RC3H2: variants seen among roughly 807,000 people sequenced by gnomAD.
RC3H2 encodes the protein ring finger and CCCH-type domains 2, also known as roquin-2.
In RC3H2, 31 loss-of-function variants were observed where a neutral mutation model predicts 133.3. The ratio of observed to expected loss-of-function variants is 0.23; its 90% CI spans 0.17 to 0.31. The LOEUF (loss-of-function observed/expected upper bound fraction) is 0.31. RC3H2 is among the 10% of genes least tolerant of loss of function. The pLI is 1.00. For synonymous variants in RC3H2, 517 were observed against 502.2 expected (o/e 1.03, Z -0.40); for missense variants, 1,175 against 1,437.2 (o/e 0.82, Z 2.95).
chr9:122,904,211 G>C (rs1402385532), intron 1 of RC3H2, among the ~76,000 whole-genome samples: 1 of 152,208 alleles, frequency 6.6e-6, no homozygotes, highest in African/African-American at 2.4e-5. Flanking sequence ...TGGGTAAGGG[G>C]AGAGGAGGAA....
chr9:122,857,063 A>C (rs1201043975), intron 13 of RC3H2, among the ~76,000 whole-genome samples: 1 of 152,168 alleles, frequency 6.6e-6, no homozygotes, highest in East Asian at 1.9e-4. Context: ...AATGCCTAGG[A>C]TTACTTCAAA....
intron 1 of RC3H2, among the ~76,000 whole-genome samples, chr9:122,900,044 TAC>T (rs1564323673): frequency 6.6e-6 from 1 of 152,228 alleles, no homozygotes; most frequent in Non-Finnish European, 1.5e-5. Flanking sequence ...TGTCACCTAC[TAC>T]ACAGTTTTAA....
At chr9:122,881,321 A>G (rs1831617150) in intron 5 of RC3H2, among the ~76,000 whole-genome samples, 1 of 151,930 alleles carries the variant, frequency 6.6e-6, no homozygotes, top group Non-Finnish European at 1.5e-5. Flanking sequence ...ACCCCATCTC[A>G]AGAAAAAATA....
chr9:122,902,399 A>C (rs1367823473), intron 1 of RC3H2, among the ~76,000 whole-genome samples: 1 of 152,218 alleles, frequency 6.6e-6, no homozygotes, highest in African/African-American at 2.4e-5. Flanking sequence ...AGGATAATCT[A>C]TCTGGAAGTT....
At chr9:122,871,911 C>T (rs1831119930) in intron 9 of RC3H2, among the ~76,000 whole-genome samples, 2 of 152,022 alleles carry the variant, frequency 1.3e-5, no homozygotes, top group Admixed American at 6.6e-5. Context: ...GTCTCCATCA[C>T]CCAGGCAGGA....
chr9:122,887,184 T>C (rs530535950), intron 4 of RC3H2, among the ~76,000 whole-genome samples: 1 of 152,330 alleles, frequency 6.6e-6, no homozygotes, highest in African/African-American at 2.4e-5. Context: ...GTGATTTTTC[T>C]AATTGTATCA....
chr9:122,866,348 A>C, intron 9 of RC3H2, among the ~76,000 whole-genome samples: 1 of 141,638 alleles, frequency 7.1e-6, no homozygotes, highest in Non-Finnish European at 1.5e-5. Flanking sequence ...TCCATTTAAG[A>C]AAATGTCTCC....
chr9:122,869,787 C>T (rs2131426993), intron 9 of RC3H2, among the ~76,000 whole-genome samples: 1 of 152,218 alleles, frequency 6.6e-6, no homozygotes, highest in South Asian at 2.1e-4. Flanking sequence ...CCAAGCTGTT[C>T]TCAAACTCCT....
chr9:122,871,499 G>A (rs903539376), intron 9 of RC3H2, among the ~76,000 whole-genome samples: 6 of 137,052 alleles, frequency 4.4e-5, no homozygotes, highest in African/African-American at 1.5e-4. Context: ...GGGTTTCACC[G>A]TGTTAGTGGG....
intron 9 of RC3H2, among the ~76,000 whole-genome samples, chr9:122,871,522 A>C (rs1831094369): frequency 1.4e-5 from 2 of 144,660 alleles, no homozygotes; most frequent in African/African-American, 5.5e-5. Context: ...GGGGGGTTTC[A>C]TCGTGTTAGC....
chr9:122,861,151 G>A (rs1430914763), intron 10 of RC3H2, among the ~76,000 whole-genome samples: 1 of 152,116 alleles, frequency 6.6e-6, no homozygotes, highest in Non-Finnish European at 1.5e-5. Flanking sequence ...GAGTCACTAA[G>A]TAATCAGCTG....
rs906016519 is a variant in RC3H2 at position 122,879,635 on chromosome 9, G to C, written c.1212+120C>G. ...AAACTGGGTTCCTCCCAAAAGAATA[G>C]AGATGATAGAAACTTATGAGTCACA... On this transcript the variant is annotated intron_variant, in intron 8 of 20. Transcript: ENST00000357244. The C allele has an allele frequency of 7.4e-6, 5 of 672,334 alleles. No homozygotes were observed. In the African/African-American group the frequency reaches 9.0e-5, roughly 12 times the overall value. The allele number at this position is 672,334 out of a possible 1,614,324, so 41.6% of individuals were successfully genotyped here.
chr9:122,850,434 C>A (rs200267058), intron 20 of RC3H2, among the ~76,000 whole-genome samples: 4 of 96,802 alleles, frequency 4.1e-5, no homozygotes, highest in East Asian at 2.0e-3. Context: ...TGCTATCTAT[C>A]TATAGATAGA....
intron 9 of RC3H2, 146 bp downstream of exon 9, chr9:122,877,324 GC>G (rs1831384448): frequency 1.6e-6 from 1 of 613,270 alleles, no homozygotes. Flanking sequence ...CCTCAGCCCC[GC>G]AAACTGCTGG....
chr9:122,875,348 T>A (rs1041125967), intron 9 of RC3H2: 5 of 1,550,414 alleles, frequency 3.2e-6, no homozygotes, highest in Non-Finnish European at 4.4e-6. Context: ...ACAATGAAGA[T>A]ATAGTCCACG....
intron 18 of RC3H2, 24 bp from the exon 19 acceptor site, chr9:122,851,460 C>G: frequency 1.3e-6 from 2 of 1,598,576 alleles, no homozygotes; most frequent in Non-Finnish European, 1.7e-6. Flanking sequence ...TGATTTTGCT[C>G]TCCCTCTCCC....
chr9:122,903,358 T>G (rs559177901), intron 1 of RC3H2, among the ~76,000 whole-genome samples: 3 of 152,212 alleles, frequency 2.0e-5, no homozygotes, highest in South Asian at 4.1e-4. Flanking sequence ...TGTTATGAAG[T>G]TTTTTTTAGC....
At chr9:122,850,233 C>T (rs1382421385) in intron 20 of RC3H2, among the ~76,000 whole-genome samples, 1 of 151,912 alleles carries the variant, frequency 6.6e-6, no homozygotes, top group Non-Finnish European at 1.5e-5. Context: ...CCTCGGCCTC[C>T]CAAAGTGCTG....
At chr9:122,902,577 GCTCA>G (rs1242894688) in intron 1 of RC3H2, among the ~76,000 whole-genome samples, 273 of 152,244 alleles carry the variant, frequency 1.8e-3, no homozygotes, top group African/African-American at 5.8e-3. Flanking sequence ...AGGCGTGGTG[GCTCA>G]CGCCTGTAAT....
Sources: gnomAD v4.1 joint callset for allele counts (sites outside exome capture counted in the v4.1 genomes callset) on GRCh38, gnomAD v4.1.1 for gene constraint, MANE v1.5 for transcripts, NCBI Gene and HGNC (gene_info 2026-07-23, HGNC 2026-07-21) for gene names.